The following LACTB variants were observed in gnomAD, a reference collection of about 807,000 sequenced individuals.
LACTB encodes lactamase beta.
A neutral mutation model predicts 50.2 loss-of-function variants in LACTB; 35 were observed. The ratio of observed to expected loss-of-function variants is 0.70; its 90% CI spans 0.53 to 0.92. LACTB has a LOEUF of 0.92. Among genes scored for constraint, LACTB ranks in the 40% least tolerant of loss-of-function variants. The probability of loss-of-function intolerance (pLI) is 0.00; values close to 1 mark genes in which losing one functional copy is unlikely to be tolerated. For synonymous variants in LACTB, 252 were observed against 268.2 expected, an observed-to-expected ratio of 0.94 and a Z score of 0.59; for missense variants, 664 against 691.8, an observed-to-expected ratio of 0.96 and a Z score of 0.45.
chr15:63,123,087 G>A (rs2036999656), intron 2 of LACTB, among the ~76,000 whole-genome samples: 2 of 152,196 alleles, frequency 1.3e-5, no homozygotes, highest in Non-Finnish European at 2.9e-5. Context: ...CTATGATAAA[G>A]TTTATAAATC....
chr15:63,125,854 C>G (rs988685258), intron 2 of LACTB: 2 of 72,332 alleles, frequency 2.8e-5, no homozygotes, highest in Admixed American at 3.3e-4. Flanking sequence ...TTTTTTCTTT[C>G]TTTCTTTCTT....
chr15:63,132,124 G>A (rs2037139134), intron 5 of LACTB, among the ~76,000 whole-genome samples: 1 of 152,076 alleles, frequency 6.6e-6, no homozygotes, highest in African/African-American at 2.4e-5. Flanking sequence ...TAATGCTGAG[G>A]TTTGGACTTA....
chr15:63,122,354 C>A, intron 1 of LACTB, 126 bp downstream of exon 1: 1 of 851,020 alleles, frequency 1.2e-6, no homozygotes, highest in African/African-American at 1.7e-5. Flanking sequence ...AGAAAGACTT[C>A]CCATTTCCCC....
intron 4 of LACTB, 70 bp from the exon 5 acceptor site, chr15:63,129,415 A>G (rs1437129453): frequency 1.5e-6 from 2 of 1,315,708 alleles, no homozygotes; most frequent in East Asian, 2.7e-5. Flanking sequence ...TTCAGTGGGA[A>G]TATATTTTAT....
rs200857648 is a variant in LACTB at position 63,142,028 on chromosome 15, G to GT, written c.*225dup. The GT allele has an allele frequency of 3.0e-3, 1,244 of 416,866 alleles. 13 individuals are homozygous for GT. The highest frequency in any genetic ancestry group is 0.022 in the African/African-American group (1,090 of 50,440). 25.8% of individuals were successfully genotyped at this position (416,866 alleles called of 1,614,324 possible). On this transcript the variant is annotated 3_prime_UTR_variant, in exon 6 of 6. Transcript: ENST00000261893. ...ATTGTTTTTACTTTTTGAAAAAAGT[G>GT]TTAACTCTTGAAATAAAATATTCTG... is the stretch of plus-strand genomic sequence containing the variant.
intron 1 of LACTB, 62 bp downstream of exon 1, chr15:63,122,290 C>T: frequency 7.2e-7 from 1 of 1,394,582 alleles, no homozygotes; most frequent in South Asian, 1.4e-5. Flanking sequence ...GCGGTGCTGT[C>T]GGGGGCTGAG....
intron 2 of LACTB, among the ~76,000 whole-genome samples, chr15:63,125,543 TAA>T (rs1019849547): frequency 4.6e-5 from 7 of 152,352 alleles, no homozygotes; most frequent in East Asian, 1.9e-4. Flanking sequence ...TAATTTATGA[TAA>T]GTCTTGTAAT....
At chr15:63,133,397 GAT>G (rs2037150112) in intron 5 of LACTB, among the ~76,000 whole-genome samples, 1 of 152,178 alleles carries the variant, frequency 6.6e-6, no homozygotes, top group Admixed American at 6.5e-5. Context: ...AAGGCAGGAG[GAT>G]CATTTGAGGC....
intron 5 of LACTB, among the ~76,000 whole-genome samples, chr15:63,133,632 CTTAG>C (rs1160406728): frequency 6.6e-6 from 1 of 151,924 alleles, no homozygotes; most frequent in Non-Finnish European, 1.5e-5. Context: ...TAATTAATTA[CTTAG>C]TTAATTAAAT....
intron 1 of LACTB, chr15:63,122,433 G>C: frequency 3.0e-6 from 2 of 673,678 alleles, no homozygotes; most frequent in Non-Finnish European, 5.1e-6. Flanking sequence ...GCCTGTCTCG[G>C]GGACCGCCCC....
At chr15:63,123,993 G>T (rs1012899006) in intron 2 of LACTB, among the ~76,000 whole-genome samples, 4 of 152,084 alleles carry the variant, frequency 2.6e-5, no homozygotes, top group African/African-American at 9.7e-5. Context: ...AACTCCCCCG[G>T]AGAAAAGGAG....
Position 63,129,569 on chromosome 15 carries a change from A to T in LACTB, c.1037A>T (p.Tyr346Phe). ...GCTTCAGGATGTAAATATTTGGACT[A>T]TATGCAGAAAATATTCCATGACTTG... ...ERASGCKYLDYMQKIFHDLDM... is the reference protein window; with the variant it reads ...ERASGCKYLDFMQKIFHDLDM... Residue 346 changes from tyrosine (Y) to phenylalanine (F), a missense_variant, in exon 5 of 6, where the codon TAT becomes TTT. Transcript: ENST00000261893. The T allele has an allele frequency of 6.2e-7, 1 of 1,613,576 alleles. No homozygotes were observed. The highest frequency in any genetic ancestry group is 1.1e-5 in the South Asian group (1 of 90,980).
chr15:63,122,543 G>A (rs1595712695), intron 1 of LACTB, 93 bp from the exon 2 acceptor site: 1 of 1,022,978 alleles, frequency 9.8e-7, no homozygotes, highest in East Asian at 2.4e-5. Context: ...CGGGGCCCAG[G>A]CTCAGGGGGC....
chr15:63,139,089 C>A (rs1157799158), intron 5 of LACTB, among the ~76,000 whole-genome samples: 3 of 149,694 alleles, frequency 2.0e-5, no homozygotes, highest in African/African-American at 7.4e-5. Flanking sequence ...TGGCTCACGC[C>A]TATAATCCCA....
intron 5 of LACTB, among the ~76,000 whole-genome samples, chr15:63,134,908 C>T (rs796594571): frequency 7.2e-4 from 110 of 151,832 alleles, no homozygotes; most frequent in African/African-American, 2.6e-3. Context: ...GTTTGAAAGC[C>T]ATTCAGTGGA....
intron 5 of LACTB, chr15:63,140,940 C>T (rs1018649115): frequency 6.8e-6 from 6 of 881,494 alleles, no homozygotes; most frequent in South Asian, 5.2e-5. Context: ...CAAATGATAA[C>T]TTTCTCCATA....
At chr15:63,130,515 G>GAAAAAAAAAAAAAAAAAAAAAAA (rs34509023) in intron 5 of LACTB, 1 of 90,850 alleles carries the variant, frequency 1.1e-5, no homozygotes, top group African/African-American at 3.7e-5. Flanking sequence ...GTCAAAAAAG[G>GAAAAAAAAAAAAAAAAAAAAAAA]AAAAAAAAAA....
chr15:63,138,930 C>T (rs1377117709), intron 5 of LACTB, among the ~76,000 whole-genome samples: 1 of 150,670 alleles, frequency 6.6e-6, no homozygotes, highest in Non-Finnish European at 1.5e-5. Context: ...GCCTGTAATC[C>T]CAGCTACTCA....
intron 5 of LACTB, among the ~76,000 whole-genome samples, chr15:63,137,539 T>G (rs940928823): frequency 1.5e-4 from 23 of 152,220 alleles, no homozygotes; most frequent in African/African-American, 5.5e-4. Context: ...CGTGAGATGT[T>G]TTGATACAGG....
Sources: gnomAD v4.1 joint callset for allele counts (sites outside exome capture counted in the v4.1 genomes callset) on GRCh38, gnomAD v4.1.1 for gene constraint, MANE v1.5 for transcripts, NCBI Gene and HGNC (gene_info 2026-07-23, HGNC 2026-07-21) for gene names.